The following KCNQ3 variants were observed in gnomAD, a reference collection of about 807,000 sequenced individuals.
KCNQ3 encodes potassium voltage-gated channel subfamily KQT member 3.
KCNQ3 carries 30 observed loss-of-function variants against 92.5 expected under a neutral mutation model. The ratio of observed to expected loss-of-function variants is 0.32; its 90% CI spans 0.24 to 0.44. The LOEUF is 0.44. Ranked by LOEUF, KCNQ3 falls within the 20% of genes least tolerant of loss-of-function variation. The pLI is 1.00. For synonymous variants in KCNQ3, 450 were observed against 468.8 expected (o/e 0.96, Z 0.52); for missense variants, 913 against 1,140.3 (o/e 0.80, Z 2.87).
At chr8:132,143,678 A>T (rs1825367165) in intron 9 of KCNQ3, among the ~76,000 whole-genome samples, 1 of 152,212 alleles carries the variant, frequency 6.6e-6, no homozygotes, top group Admixed American at 6.5e-5. Flanking sequence ...GTGCTCAGCC[A>T]ACTGAGATTC....
chr8:132,463,861 G>A (rs781300129), intron 1 of KCNQ3, among the ~76,000 whole-genome samples: 15 of 152,134 alleles, frequency 9.9e-5, no homozygotes, highest in African/African-American at 1.7e-4. Context: ...CGCCCAGGCC[G>A]GAGTGCAATG....
intron 1 of KCNQ3, among the ~76,000 whole-genome samples, chr8:132,345,191 GT>G (rs1328616397): frequency 6.6e-6 from 1 of 152,150 alleles, no homozygotes. Flanking sequence ...ATTAAGATCG[GT>G]GATCTGGTTA....
chr8:132,127,170 C>A lies in KCNQ3; in HGVS notation c.*2092G>T, dbSNP rs1824697630. ...GGAGTGGGGAAAAGGCCCAAATAAC[C>A]CATGCCCTTTGTCCTTCAGATTGCC... On this transcript the variant is annotated 3_prime_UTR_variant, in exon 15 of 15. Transcript: ENST00000388996. 1 of 152,160 alleles carries A rather than the reference C, an allele frequency of 6.6e-6. No homozygotes were observed. Among genetic ancestry groups the A allele is most frequent in the Non-Finnish European group, 1.5e-5 (1 of 68,034 alleles). The allele number at this position is 152,160 out of a possible 1,614,324, so 9.4% of individuals were successfully genotyped here.
At chr8:132,437,310 T>TA (rs984693226) in intron 1 of KCNQ3, among the ~76,000 whole-genome samples, 10 of 148,128 alleles carry the variant, frequency 6.8e-5, no homozygotes, top group South Asian at 2.2e-4. Flanking sequence ...ATAAAAAAAA[T>TA]AAAAAAAAAG....
chr8:132,150,875 G>A (rs890217073), intron 9 of KCNQ3, among the ~76,000 whole-genome samples: 1 of 151,984 alleles, frequency 6.6e-6, no homozygotes, highest in African/African-American at 2.4e-5. Context: ...TTAATTAATT[G>A]GCCTAAAAGA....
intron 1 of KCNQ3, among the ~76,000 whole-genome samples, chr8:132,375,807 C>T (rs1352725815): frequency 6.6e-6 from 1 of 152,212 alleles, no homozygotes; most frequent in Non-Finnish European, 1.5e-5. Context: ...ACAGGTATCA[C>T]TTTCCTTAGA....
chr8:132,245,506 A>T (rs1815143461), intron 1 of KCNQ3, among the ~76,000 whole-genome samples: 4 of 152,186 alleles, frequency 2.6e-5, no homozygotes, highest in Admixed American at 2.0e-4. Flanking sequence ...TGTGATACAA[A>T]TACATTCATT....
chr8:132,391,038 A>T (rs1048649859), intron 1 of KCNQ3, among the ~76,000 whole-genome samples: 6 of 152,228 alleles, frequency 3.9e-5, no homozygotes, highest in African/African-American at 1.4e-4. Flanking sequence ...GTCCAGTGAT[A>T]TTCAGAATCT....
Position 132,372,247 on chromosome 8 carries a change from T to C in KCNQ3, c.386+107900A>G, listed in dbSNP as rs186387258. Among the ~76,000 whole-genome samples the C allele has an allele frequency of 2.6e-3, 395 of 152,294 alleles. 2 individuals are homozygous for C. The highest frequency in any genetic ancestry group is 8.9e-3 in the African/African-American group (369 of 41,574). On this transcript the variant is annotated intron_variant, in intron 1 of 14. Coordinates refer to ENST00000388996, the MANE Select transcript of KCNQ3 (RefSeq NM_004519.4). Reference sequence around the variant, plus strand: ...TTCCCTTTCTTGCTTACCCCACTGGTCAGCTCCATAGGGCTTTTCTTTCCA... The same window carrying C: ...TTCCCTTTCTTGCTTACCCCACTGGCCAGCTCCATAGGGCTTTTCTTTCCA...
At chr8:132,316,064 T>C (rs1331992905) in intron 1 of KCNQ3, among the ~76,000 whole-genome samples, 2 of 152,216 alleles carry the variant, frequency 1.3e-5, no homozygotes, top group African/African-American at 4.8e-5. Flanking sequence ...CGGTAGGCTT[T>C]TAACGTGTGA....
chr8:132,137,899 C>T lies in KCNQ3; in HGVS notation c.1686G>A (p.Lys562=), dbSNP rs1347503592. 2 of 1,614,100 alleles carry T rather than the reference C, an allele frequency of 1.2e-6. No homozygotes were observed. Among genetic ancestry groups the T allele is most frequent in the East Asian group, 2.2e-5 (1 of 44,882 alleles). ...AGHLDMLSRI[K]YLQTRIDMIF... Reference sequence around the variant, plus strand: ...GACTGTCTCACCTCGTCTGAAGGTACTTTATCCTGGAAAGCATGTCGAGAT... The same window carrying T: ...GACTGTCTCACCTCGTCTGAAGGTATTTTATCCTGGAAAGCATGTCGAGAT... Residue 562 remains lysine, a synonymous_variant, in exon 12 of 15, where the codon AAG becomes AAA. Transcript: ENST00000388996.
At chr8:132,363,449 G>A (rs535833629) in intron 1 of KCNQ3, among the ~76,000 whole-genome samples, 1 of 152,220 alleles carries the variant, frequency 6.6e-6, no homozygotes, top group South Asian at 2.1e-4. Context: ...AGGTGGTGTG[G>A]CAAAGGAGGA....
chr8:132,355,346 G>A (rs1818991227), intron 1 of KCNQ3, among the ~76,000 whole-genome samples: 1 of 151,906 alleles, frequency 6.6e-6, no homozygotes, highest in South Asian at 2.1e-4. Flanking sequence ...CACCATCACA[G>A]CCACCCTGAT....
At chr8:132,459,835 T>C (rs1822023202) in intron 1 of KCNQ3, among the ~76,000 whole-genome samples, 1 of 151,938 alleles carries the variant, frequency 6.6e-6, no homozygotes, top group African/African-American at 2.4e-5. Flanking sequence ...AATATCTACA[T>C]AAATTAGTTG....
chr8:132,188,028 T>C (rs961529614), intron 1 of KCNQ3, among the ~76,000 whole-genome samples: 1 of 152,136 alleles, frequency 6.6e-6, no homozygotes, highest in African/African-American at 2.4e-5. Flanking sequence ...ATTTTAGAGA[T>C]GAAGACATTC....
chr8:132,235,224 C>T (rs960805161), intron 1 of KCNQ3, among the ~76,000 whole-genome samples: 11 of 152,058 alleles, frequency 7.2e-5, no homozygotes, highest in Middle Eastern at 3.4e-3. Context: ...CCTGGCCGGG[C>T]GCAGTGGCTC....
chr8:132,172,691 G>A lies in KCNQ3; in HGVS notation c.1047C>T (p.Gly349=), dbSNP rs746700645. The change falls in exon 7 of 15, where the codon GGC becomes GGT. Residue 349 remains glycine (G), a splice_region_variant and synonymous_variant. Coordinates refer to ENST00000388996, the MANE Select transcript of KCNQ3 (RefSeq NM_004519.4). ...IGVSFFALPA[G]ILGSGLALKV... ...TGAGGGCCAGCCCGGACCCCAGGAT[G>A]CCCTGGAGGGAGAGGCAGGCAGGCA... 1 of 1,612,496 alleles carries A rather than the reference G, an allele frequency of 6.2e-7. No homozygotes were observed. Among genetic ancestry groups the A allele is most frequent in the Middle Eastern group, 1.7e-4 (1 of 6,060 alleles).
intron 1 of KCNQ3, among the ~76,000 whole-genome samples, chr8:132,219,882 C>T (rs1476351712): frequency 6.6e-6 from 1 of 152,144 alleles, no homozygotes; most frequent in African/African-American, 2.4e-5. Flanking sequence ...GATCAATATA[C>T]TCCATGTCTT....
At chr8:132,279,703 T>C (rs1816452069) in intron 1 of KCNQ3, among the ~76,000 whole-genome samples, 1 of 152,234 alleles carries the variant, frequency 6.6e-6, no homozygotes, top group Non-Finnish European at 1.5e-5. Flanking sequence ...TGATTGTATG[T>C]CTACATATAT....
Sources: allele counts gnomAD v4.1 joint callset (sites outside exome capture counted in the v4.1 genomes callset), GRCh38; gene constraint gnomAD v4.1.1; transcripts MANE v1.5; gene names NCBI Gene and HGNC (gene_info 2026-07-23, HGNC 2026-07-21).